Variants in CIROP observed in about 807,000 individuals in gnomAD.
CIROP encodes the protein ciliated left-right organizer metallopeptidase.
chr14:23,099,679 C>G, the CIROP span: 1 of 363,616 alleles, frequency 2.8e-6, no homozygotes, highest in African/African-American at 2.1e-5. Context: ...CCTGCCTCAA[C>G]CTTCCGAATA....
the CIROP span, chr14:23,104,904 A>G: frequency 0.02 from 2,098 of 104,720 alleles, 16 homozygotes; most frequent in Non-Finnish European, 0.041. Context: ...CAGCAGCAGC[A>G]GCAGCAGCAG....
the CIROP span, chr14:23,101,862 T>G: frequency 1.4e-6 from 1 of 702,688 alleles, no homozygotes; most frequent in South Asian, 1.5e-5. Context: ...AGAAGAAGTC[T>G]GAGGAGCCAG....
the CIROP span, chr14:23,103,450 A>T: frequency 3.9e-5 from 14 of 361,346 alleles, no homozygotes; most frequent in Non-Finnish European, 6.6e-5. Context: ...GCTACTCAGG[A>T]GGCTGAGATG....
At chr14:23,104,067 A>G in the CIROP span, among the ~76,000 whole-genome samples, 4 of 152,212 alleles carry the variant, frequency 2.6e-5, no homozygotes, top group African/African-American at 9.7e-5. Flanking sequence ...TGGTCATGGC[A>G]GGCTGCAGAT....
At chr14:23,104,099 A>G in the CIROP span, 104 of 588,176 alleles carry the variant, frequency 1.8e-4, no homozygotes, top group South Asian at 2.1e-3. Context: ...TGAGACTGAG[A>G]GGTGAGCCTG....
At chr14:23,104,387 G>C in the CIROP span, 9 of 702,986 alleles carry the variant, frequency 1.3e-5, no homozygotes, top group Non-Finnish European at 2.3e-5. Flanking sequence ...GAACTCACCT[G>C]TGGTAGTTTG....
the CIROP span, chr14:23,104,620 G>A: frequency 2.3e-5 from 16 of 702,122 alleles, no homozygotes; most frequent in Non-Finnish European, 3.6e-5. Context: ...GCCTGGATTC[G>A]CTGAGTGGCC....
chr14:23,101,338 A>G, the CIROP span: 5 of 536,630 alleles, frequency 9.3e-6, no homozygotes, highest in East Asian at 1.2e-4. Flanking sequence ...CGAGCCCTCC[A>G]CCTGCACCTT....
chr14:23,102,670 TG>T, the CIROP span: 1 of 703,034 alleles, frequency 1.4e-6, no homozygotes, highest in Non-Finnish European at 2.6e-6. Context: ...CTTGAAGAGC[TG>T]TCCAGAGAAA....
the CIROP span, chr14:23,103,213 A>G: frequency 4.8e-6 from 2 of 419,432 alleles, no homozygotes; most frequent in African/African-American, 2.0e-5. Flanking sequence ...CCCAAACGTT[A>G]CTAGCATTCC....
At chr14:23,102,519 A>G in the CIROP span, 1 of 699,000 alleles carries the variant, frequency 1.4e-6, no homozygotes, top group Non-Finnish European at 2.6e-6. Flanking sequence ...CAGTACGAGG[A>G]GAGGAAAACT....
chr14:23,102,912 C>G, the CIROP span: 19 of 604,750 alleles, frequency 3.1e-5, no homozygotes, highest in African/African-American at 3.3e-4. Context: ...CCCTATTCAT[C>G]ATGCAGCAGT....
chr14:23,101,373 A>T, the CIROP span: 1 of 561,800 alleles, frequency 1.8e-6, no homozygotes, highest in East Asian at 2.9e-5. Flanking sequence ...CTGTGCATTG[A>T]TGTAAGTAGC....
chr14:23,100,299 A>C, the CIROP span: 1 of 398,986 alleles, frequency 2.5e-6, no homozygotes, highest in Non-Finnish European at 4.6e-6. Context: ...TAAGATCCCT[A>C]TGTCCTAGAG....
the CIROP span, chr14:23,104,847 T>A: frequency 1.4e-6 from 1 of 702,464 alleles, no homozygotes; most frequent in Non-Finnish European, 2.6e-6. Context: ...TGTCTCATCA[T>A]GTAGACATCG....
At chr14:23,101,679 A>G in the CIROP span, 2 of 702,988 alleles carry the variant, frequency 2.8e-6, no homozygotes, top group Non-Finnish European at 5.2e-6. Context: ...CCCATTGGCT[A>G]AGGGCTTGTA....
At chr14:23,099,690 G>A in the CIROP span, 1 of 355,450 alleles carries the variant, frequency 2.8e-6, no homozygotes, top group Non-Finnish European at 5.2e-6. Context: ...CTTCCGAATA[G>A]CTGGGACTAC....
chr14:23,100,966 T>C, the CIROP span: 2 of 399,040 alleles, frequency 5.0e-6, no homozygotes, highest in Non-Finnish European at 8.8e-6. Context: ...AGAGCTGGAA[T>C]AGTGGATCTG....
At chr14:23,099,408 C>G in the CIROP span, 1 of 413,306 alleles carries the variant, frequency 2.4e-6, no homozygotes, top group East Asian at 3.6e-5. Context: ...TTACACCCAC[C>G]AGGATTAGCA....
Sources: allele counts gnomAD v4.1 joint callset (sites outside exome capture counted in the v4.1 genomes callset), GRCh38; gene constraint gnomAD v4.1.1; transcripts MANE v1.5; gene names NCBI Gene and HGNC (gene_info 2026-07-23, HGNC 2026-07-21).